NKAIN3: variants seen among roughly 807,000 people sequenced by gnomAD.
NKAIN3 encodes sodium/potassium transporting ATPase interacting 3.
A neutral mutation model predicts 30.2 loss-of-function variants in NKAIN3; 25 were observed. That is an observed-to-expected ratio of 0.83 (90% CI 0.60 to 1.16). NKAIN3 has a LOEUF of 1.16. NKAIN3 is among the 50% of genes most tolerant of loss of function. The pLI is 0.00. For missense variants in NKAIN3, 225 were observed against 254.1 expected (o/e 0.89, Z 0.78); for synonymous variants, 91 against 89.6 (o/e 1.02, Z -0.09).
At chr8:62,868,293 G>A (rs1031842097) in intron 4 of NKAIN3, among the ~76,000 whole-genome samples, 1 of 151,186 alleles carries the variant, frequency 6.6e-6, no homozygotes, top group South Asian at 2.1e-4. Flanking sequence ...ATGGTATAGA[G>A]TATTTCTTTT....
intron 5 of NKAIN3, among the ~76,000 whole-genome samples, chr8:62,940,487 A>C (rs1406839242): frequency 6.6e-6 from 1 of 152,178 alleles, no homozygotes; most frequent in Non-Finnish European, 1.5e-5. Flanking sequence ...AAGCACATGG[A>C]ACATTCTCCA....
At chr8:62,664,155 C>T (rs1813027568) in intron 3 of NKAIN3, among the ~76,000 whole-genome samples, 1 of 151,910 alleles carries the variant, frequency 6.6e-6, no homozygotes. Flanking sequence ...AAGAATTTCA[C>T]CTCTCACTTC....
chr8:62,803,922 T>A (rs1241945127), intron 4 of NKAIN3, among the ~76,000 whole-genome samples: 1 of 152,032 alleles, frequency 6.6e-6, no homozygotes, highest in Non-Finnish European at 1.5e-5. Context: ...TAAAAAATGA[T>A]AAAGGGGATA....
chr8:62,564,097 CT>C (rs1329694963), intron 1 of NKAIN3, among the ~76,000 whole-genome samples: 1 of 152,204 alleles, frequency 6.6e-6, no homozygotes, highest in Non-Finnish European at 1.5e-5. Context: ...ATTTTCTTCC[CT>C]GCTTTCAATG....
chr8:62,749,962 G>A (rs1586159078), intron 4 of NKAIN3, among the ~76,000 whole-genome samples: 2 of 152,028 alleles, frequency 1.3e-5, no homozygotes, highest in African/African-American at 4.8e-5. Context: ...GATTACAGGT[G>A]TGAGCCACCA....
At chr8:62,750,744 C>A (rs1816253290) in intron 4 of NKAIN3, among the ~76,000 whole-genome samples, 1 of 152,096 alleles carries the variant, frequency 6.6e-6, no homozygotes, top group African/African-American at 2.4e-5. Context: ...TGAAAATCAG[C>A]GCGGAATCCA....
At chr8:62,844,081 A>G (rs1260999913) in intron 4 of NKAIN3, among the ~76,000 whole-genome samples, 1 of 152,220 alleles carries the variant, frequency 6.6e-6, no homozygotes, top group South Asian at 2.1e-4. Context: ...ATGACAAATT[A>G]ATACTGTAGT....
intron 1 of NKAIN3, among the ~76,000 whole-genome samples, chr8:62,509,629 A>G (rs1282177401): frequency 6.6e-6 from 1 of 152,110 alleles, no homozygotes; most frequent in East Asian, 1.9e-4. Context: ...CGGGCCCACA[A>G]TTCCAGGAAT....
At position 62,966,721 on chromosome 8, in the gene NKAIN3, G is replaced by T. The variant is rs1823722896; in HGVS notation, c.*1314G>T. 6.6e-6 allele frequency among the ~76,000 whole-genome samples: 1 copy of T among 152,064 alleles called. No individual in the cohort carries two copies. Among genetic ancestry groups the T allele is most frequent in the Non-Finnish European group, 1.5e-5 (1 of 68,022 alleles). On this transcript the variant is annotated 3_prime_UTR_variant, in exon 7 of 7. Coordinates refer to ENST00000623646, the MANE Select transcript of NKAIN3 (RefSeq NM_001304533.3). ...ACTTCTCAATCACTATTTTTTATAT[G>T]AAAATAAGTTTTGCTCACTTTGTGT...
intron 3 of NKAIN3, among the ~76,000 whole-genome samples, chr8:62,614,357 G>A (rs1811384045): frequency 6.6e-6 from 1 of 152,056 alleles, no homozygotes; most frequent in Non-Finnish European, 1.5e-5. Context: ...AACATACAGA[G>A]TCTCTCTCTC....
chr8:62,503,248 G>A (rs952077020), intron 1 of NKAIN3, among the ~76,000 whole-genome samples: 8 of 152,182 alleles, frequency 5.3e-5, no homozygotes, highest in African/African-American at 9.6e-5. Context: ...CGGTAGGTCC[G>A]TGATGCCCAC....
intron 4 of NKAIN3, among the ~76,000 whole-genome samples, chr8:62,806,593 G>C (rs897556504): frequency 3.9e-5 from 6 of 152,018 alleles, no homozygotes; most frequent in Non-Finnish European, 5.9e-5. Context: ...TCATAGGTGG[G>C]AATTGAACAA....
chr8:62,544,363 A>G (rs1298136732), intron 1 of NKAIN3, among the ~76,000 whole-genome samples: 1 of 152,138 alleles, frequency 6.6e-6, no homozygotes, highest in Non-Finnish European at 1.5e-5. Flanking sequence ...AAAATTAAAC[A>G]TGCTATTTTT....
chr8:62,882,282 G>T (rs1265538277), intron 4 of NKAIN3, among the ~76,000 whole-genome samples: 1 of 151,870 alleles, frequency 6.6e-6, no homozygotes, highest in Non-Finnish European at 1.5e-5. Flanking sequence ...TTCTTTCAAG[G>T]AACATGTTTT....
intron 1 of NKAIN3, among the ~76,000 whole-genome samples, chr8:62,433,916 C>T (rs1362693109): frequency 6.6e-6 from 1 of 152,046 alleles, no homozygotes; most frequent in Non-Finnish European, 1.5e-5. Context: ...CCTTTTGTTC[C>T]TTTGATTTTC....
chr8:62,296,238 G>T (rs926533960), intron 1 of NKAIN3, among the ~76,000 whole-genome samples: 2 of 152,200 alleles, frequency 1.3e-5, no homozygotes, highest in Non-Finnish European at 2.9e-5. Flanking sequence ...TTCCTGCTGG[G>T]ATATAGTTAA....
At chr8:62,505,701 C>T (rs138930446) in intron 1 of NKAIN3, among the ~76,000 whole-genome samples, 53 of 152,196 alleles carry the variant, frequency 3.5e-4, no homozygotes, top group African/African-American at 1.1e-3. Context: ...GTATCTTAAT[C>T]AAAATGGCTT....
chr8:62,948,325 G>T (rs139793247), intron 5 of NKAIN3, among the ~76,000 whole-genome samples: 1 of 151,706 alleles, frequency 6.6e-6, no homozygotes, highest in Non-Finnish European at 1.5e-5. Context: ...TCAGCCTCCC[G>T]AGTAGCTGAG....
intron 1 of NKAIN3, among the ~76,000 whole-genome samples, chr8:62,521,714 C>T (rs977991693): frequency 2.6e-5 from 4 of 151,358 alleles, no homozygotes; most frequent in African/African-American, 9.8e-5. Context: ...AATATTGTTT[C>T]CCATTTACTT....
Sources: allele counts gnomAD v4.1 joint callset (sites outside exome capture counted in the v4.1 genomes callset), GRCh38; gene constraint gnomAD v4.1.1; transcripts MANE v1.5; gene names NCBI Gene and HGNC (gene_info 2026-07-23, HGNC 2026-07-21).